STK31: variants seen among roughly 807,000 people sequenced by gnomAD.
The protein encoded by STK31 is serine/threonine-protein kinase 31.
Under a neutral mutation model 129.7 loss-of-function variants are expected in STK31, and 89 were observed. The observed-to-expected ratio is 0.69, with a 90% confidence interval of 0.58 to 0.82. STK31 has a LOEUF of 0.82. STK31 is among the 40% of genes least tolerant of loss of function. The pLI is 0.00. For missense variants in STK31, 1,187 were observed against 1,176.4 expected (o/e 1.01, Z -0.13); for synonymous variants, 448 against 395.3 (o/e 1.13, Z -1.58).
chr7:23,789,544 T>C (rs1738118092), intron 21 of STK31, among the ~76,000 whole-genome samples: 1 of 152,144 alleles, frequency 6.6e-6, no homozygotes, highest in African/African-American at 2.4e-5. Context: ...ATAGTCTTAA[T>C]GGTTTTGATA....
At chr7:23,728,578 T>G (rs1787222802) in intron 5 of STK31, among the ~76,000 whole-genome samples, 1 of 152,188 alleles carries the variant, frequency 6.6e-6, no homozygotes. Flanking sequence ...TTGTAATAAC[T>G]ATTTTTCTTT....
At position 23,728,046 on chromosome 7, in the gene STK31, A is replaced by G. The variant is rs535782850; in HGVS notation, c.324+731A>G. ...TGCCACTTTCTTATGCCTGGGTTAA[A>G]TGTGGTGAGTTTTCTTTGTGTTAAG... On this transcript the variant is annotated intron_variant, in intron 5 of 23. Coordinates refer to ENST00000355870, the MANE Select transcript of STK31 (RefSeq NM_031414.5). Among the ~76,000 whole-genome samples the G allele has an allele frequency of 4.2e-5, 6 of 141,810 alleles. No homozygotes were observed. In the South Asian group the frequency reaches 9.2e-4, roughly 22 times the overall value. 93.0% of individuals were successfully genotyped at this position (141,810 alleles called of 152,430 possible).
intron 11 of STK31, among the ~76,000 whole-genome samples, chr7:23,764,903 T>A (rs1789714631): frequency 6.6e-6 from 1 of 152,056 alleles, no homozygotes; most frequent in Non-Finnish European, 1.5e-5. Flanking sequence ...AAAATAATAA[T>A]AAAAATGTTT....
rs913408382 is a variant in STK31, at chr7:23,752,745, C to T, written c.1046C>T (p.Thr349Ile). Residue 349 changes from threonine (T) to isoleucine (I), a missense_variant, in exon 9 of 24, where the codon ACT becomes ATT. Physicochemically the swap from Thr to Ile is moderately conservative, Grantham distance 89. Around this residue, in one of 5 missense-constraint regions of STK31, gnomAD observed 975 missense variants for 934.9 expected, o/e 1.04. Transcript: ENST00000355870. ...QQEKAAAVDL[T>I]NHLEYTLKTY... ...GAGAAGGCAGCTGCTGTGGATTTGA[C>T]TAACCACTTAGAATACACTCTGAAG... 1.2e-6 allele frequency: 2 copies of T among 1,613,476 alleles called. No individual in the cohort carries two copies. The highest frequency in any genetic ancestry group is 2.7e-5 in the African/African-American group (2 of 74,866).
rs115072436 is a variant in STK31, at chr7:23,745,732, C to T, written c.1018-6985C>T. On this transcript the variant is annotated intron_variant, in intron 8 of 23. Transcript: ENST00000355870. ...TCTGCTGGTGGGGTTGGGGTTCCTG[C>T]CAGTGGCTTGCAGTTTGGCCTCAGG... 9.2e-3 allele frequency among the ~76,000 whole-genome samples: 1,397 copies of T among 152,220 alleles called. 20 individuals are homozygous for T. Among genetic ancestry groups the T allele is most frequent in the African/African-American group, 0.032 (1,324 of 41,522 alleles).
intron 11 of STK31, 30 bp from the exon 12 acceptor site, chr7:23,768,965 T>A: frequency 1.3e-6 from 2 of 1,506,128 alleles, no homozygotes; most frequent in Non-Finnish European, 1.8e-6. Context: ...GTTAATAAAC[T>A]TTAATAAACA....
chr7:23,808,970 T>TGTGTGTGTGTGC (rs60631283), intron 22 of STK31, among the ~76,000 whole-genome samples: 299 of 139,648 alleles, frequency 2.1e-3, no homozygotes, highest in East Asian at 4.9e-3. Flanking sequence ...TGTGTGTGTG[T>TGTGTGTGTGTGC]GCCTGTGTCT....
chr7:23,820,036 TAA>T (rs1352222213), intron 23 of STK31, among the ~76,000 whole-genome samples: 2 of 152,208 alleles, frequency 1.3e-5, no homozygotes, highest in African/African-American at 4.8e-5. Flanking sequence ...AGTACCTTGT[TAA>T]AAGAGGGAGA....
chr7:23,797,358 A>T (rs1403521662), intron 22 of STK31, among the ~76,000 whole-genome samples: 1 of 151,858 alleles, frequency 6.6e-6, no homozygotes, highest in Non-Finnish European at 1.5e-5. Flanking sequence ...TGACCACATT[A>T]TTGGAAGTAA....
chr7:23,770,486 G>A (rs572027861), intron 13 of STK31, among the ~76,000 whole-genome samples: 1 of 152,254 alleles, frequency 6.6e-6, no homozygotes, highest in South Asian at 2.1e-4. Flanking sequence ...AAAGTAAAGT[G>A]TTGAAGGTCT....
intron 21 of STK31, among the ~76,000 whole-genome samples, chr7:23,789,424 C>T (rs553117220): frequency 2.0e-5 from 3 of 152,188 alleles, no homozygotes; most frequent in Middle Eastern, 6.8e-3. Context: ...TTCTCTACAT[C>T]CTTGCCAATA....
intron 23 of STK31, among the ~76,000 whole-genome samples, chr7:23,818,679 C>T (rs1793607263): frequency 6.7e-6 from 1 of 149,810 alleles, no homozygotes; most frequent in African/African-American, 2.5e-5. Flanking sequence ...GGTTGGAGTG[C>T]AGTGGCACGA....
chr7:23,812,113 A>G (rs547691028), intron 22 of STK31, among the ~76,000 whole-genome samples: 1 of 151,926 alleles, frequency 6.6e-6, no homozygotes, highest in South Asian at 2.1e-4. Flanking sequence ...TCCTTTAGCC[A>G]CTCTTTAAGA....
At chr7:23,739,590 G>A (rs938348756) in intron 8 of STK31, among the ~76,000 whole-genome samples, 2 of 152,102 alleles carry the variant, frequency 1.3e-5, no homozygotes, top group Non-Finnish European at 2.9e-5. Context: ...GTTCTTCTAG[G>A]GTTTTTACTG....
At chr7:23,807,912 C>T (rs1040703833) in intron 22 of STK31, among the ~76,000 whole-genome samples, 1 of 151,572 alleles carries the variant, frequency 6.6e-6, no homozygotes, top group Non-Finnish European at 1.5e-5. Context: ...CTTCTGTCTT[C>T]TGTTTCTTTG....
chr7:23,785,359 T>C, intron 17 of STK31, 119 bp from the exon 18 acceptor site: 3 of 1,381,336 alleles, frequency 2.2e-6, no homozygotes, highest in Non-Finnish European at 2.9e-6. Flanking sequence ...ATTTTGTTGG[T>C]TTTTCCAGTA....
chr7:23,777,813 T>C (rs1292666275), intron 15 of STK31, among the ~76,000 whole-genome samples: 1 of 152,194 alleles, frequency 6.6e-6, no homozygotes, highest in Non-Finnish European at 1.5e-5. Flanking sequence ...TGTCTTTTAA[T>C]TGGGGCATTT....
intron 22 of STK31, among the ~76,000 whole-genome samples, chr7:23,800,852 AATC>A (rs1288147530): frequency 2.0e-5 from 3 of 152,152 alleles, no homozygotes; most frequent in Non-Finnish European, 2.9e-5. Flanking sequence ...TCAGCATGTG[AATC>A]ATCTTTTGTG....
At chr7:23,831,751 A>T (rs2128135233) in intron 23 of STK31, among the ~76,000 whole-genome samples, 1 of 152,246 alleles carries the variant, frequency 6.6e-6, no homozygotes, top group Non-Finnish European at 1.5e-5. Flanking sequence ...TGGAGTTTAT[A>T]TGTGTTTTGT....
Sources: allele counts gnomAD v4.1 joint callset (sites outside exome capture counted in the v4.1 genomes callset), GRCh38; gene constraint gnomAD v4.1.1; regional missense constraint gnomAD v4.1.1; transcripts MANE v1.5; gene names NCBI Gene and HGNC (gene_info 2026-07-23, HGNC 2026-07-21).